The following PCDH9 variants were observed in gnomAD, a reference collection of about 807,000 sequenced individuals.
PCDH9 encodes protocadherin 9.
PCDH9 carries 24 observed loss-of-function variants against 70.6 expected under a neutral mutation model. That is an observed-to-expected ratio of 0.34 (90% CI 0.25 to 0.48). The LOEUF is 0.48. Among genes scored for constraint, PCDH9 ranks in the 20% least tolerant of loss-of-function variants. The pLI, the probability that PCDH9 is intolerant of heterozygous loss-of-function variation, is 0.99. For synonymous variants in PCDH9, 562 were observed against 558.5 expected (o/e 1.01, Z -0.09); for missense variants, 1,281 against 1,503.6 (o/e 0.85, Z 2.45).
chr13:67,077,270 C>T (rs572859859), intron 2 of PCDH9, among the ~76,000 whole-genome samples: 41 of 152,326 alleles, frequency 2.7e-4, no homozygotes, highest in Admixed American at 1.6e-3. Flanking sequence ...TGGCCCCTTA[C>T]TGTCTGCTGA....
At chr13:66,386,377 C>T (rs1956930270) in intron 4 of PCDH9, among the ~76,000 whole-genome samples, 1 of 152,110 alleles carries the variant, frequency 6.6e-6, no homozygotes, top group African/African-American at 2.4e-5. Flanking sequence ...ACACTCCACC[C>T]TATAGAGTCC....
intron 2 of PCDH9, among the ~76,000 whole-genome samples, chr13:67,185,890 A>G (rs941954442): frequency 4.6e-5 from 7 of 151,834 alleles, no homozygotes; most frequent in African/African-American, 1.7e-4. Context: ...GAGCCACCAC[A>G]CCCGGCTAAT....
At chr13:66,721,179 T>A (rs948578332) in intron 3 of PCDH9, among the ~76,000 whole-genome samples, 1 of 152,200 alleles carries the variant, frequency 6.6e-6, no homozygotes, top group South Asian at 2.1e-4. Flanking sequence ...GTGCTGATGA[T>A]ATTTGACTAA....
At chr13:66,762,411 TGTG>T (rs1393215678) in intron 3 of PCDH9, among the ~76,000 whole-genome samples, 1 of 152,068 alleles carries the variant, frequency 6.6e-6, no homozygotes, top group Non-Finnish European at 1.5e-5. Context: ...TAGGTTTTAC[TGTG>T]GTGGGCCCAG....
chr13:66,382,149 A>C (rs1415074204), intron 4 of PCDH9, among the ~76,000 whole-genome samples: 2 of 152,216 alleles, frequency 1.3e-5, no homozygotes, highest in Non-Finnish European at 2.9e-5. Context: ...CTATGCTTAA[A>C]AGTGAACTCT....
intron 2 of PCDH9, among the ~76,000 whole-genome samples, chr13:66,975,199 C>G (rs2083593962): frequency 6.6e-6 from 1 of 151,926 alleles, no homozygotes; most frequent in Admixed American, 6.6e-5. Flanking sequence ...TCATAGAAAG[C>G]AGAAATCTAA....
intron 3 of PCDH9, among the ~76,000 whole-genome samples, chr13:66,888,347 T>A (rs900902879): frequency 6.6e-6 from 1 of 151,366 alleles, no homozygotes; most frequent in Non-Finnish European, 1.5e-5. Context: ...ATTTAAAAAA[T>A]AAAAATTAGC....
At chr13:66,885,234 C>T (rs780068926) in intron 3 of PCDH9, among the ~76,000 whole-genome samples, 1 of 152,168 alleles carries the variant, frequency 6.6e-6, no homozygotes, top group Non-Finnish European at 1.5e-5. Flanking sequence ...TCAACTTCTA[C>T]TCTTCTTCCA....
At chr13:67,005,317 T>C (rs758760237) in intron 2 of PCDH9, among the ~76,000 whole-genome samples, 5 of 152,176 alleles carry the variant, frequency 3.3e-5, no homozygotes, top group Non-Finnish European at 7.3e-5. Flanking sequence ...CTTTTACTAT[T>C]TGAGTTCGCT....
chr13:66,658,161 T>A (rs6562463), intron 3 of PCDH9, among the ~76,000 whole-genome samples: 71,600 of 151,970 alleles, frequency 0.47, 17,202 homozygotes, highest in African/African-American at 0.56. Context: ...CCCCCGATTG[T>A]ACTAGTAAAA....
intron 4 of PCDH9, among the ~76,000 whole-genome samples, chr13:66,425,375 G>A (rs542677592): frequency 1.3e-5 from 2 of 151,614 alleles, no homozygotes; most frequent in South Asian, 2.1e-4. Context: ...CTATCACACC[G>A]ACTAGGTAAC....
chr13:66,631,350 C>A lies in PCDH9; in HGVS notation c.3200G>T (p.Gly1067Val). ...DGSQESCSDSGLGDHEPVGSG... is the reference protein window; with the variant it reads ...DGSQESCSDSVLGDHEPVGSG... Reference sequence around the variant, plus strand: ...ACCCACCGGCTCATGGTCTCCTAGACCACTGTCACTGCAGCTTTCCTGGGA... The same window carrying A: ...ACCCACCGGCTCATGGTCTCCTAGAACACTGTCACTGCAGCTTTCCTGGGA... Residue 1067 changes from glycine to valine, a missense_variant, in exon 4 of 5, where the codon GGT (glycine) becomes GTT (valine). Physicochemically the swap from Gly to Val is moderately radical, Grantham distance 109. Coordinates refer to ENST00000377865, the MANE Select transcript of PCDH9 (RefSeq NM_203487.3). 1 of 1,611,716 alleles carries A rather than the reference C, an allele frequency of 6.2e-7. No homozygotes were observed. The highest frequency in any genetic ancestry group is 8.5e-7 in the Non-Finnish European group (1 of 1,177,832).
intron 4 of PCDH9, among the ~76,000 whole-genome samples, chr13:66,606,312 T>G (rs916530807): frequency 1.3e-5 from 2 of 152,168 alleles, no homozygotes; most frequent in African/African-American, 4.8e-5. Context: ...TAACCGTGCC[T>G]CCTGTGTGTA....
chr13:67,018,110 A>G (rs1372018387), intron 2 of PCDH9, among the ~76,000 whole-genome samples: 1 of 152,188 alleles, frequency 6.6e-6, no homozygotes, highest in Non-Finnish European at 1.5e-5. Flanking sequence ...ATTCTTGGAC[A>G]CTATCTTGTA....
chr13:67,221,228 A>C (rs2089717942), intron 2 of PCDH9: 1 of 152,094 alleles, frequency 6.6e-6, no homozygotes, highest in Non-Finnish European at 1.5e-5. Flanking sequence ...TGCCCCCTTC[A>C]CTTTCAATTG....
At chr13:67,034,653 A>C (rs1326872500) in intron 2 of PCDH9, among the ~76,000 whole-genome samples, 1 of 150,066 alleles carries the variant, frequency 6.7e-6, no homozygotes, top group Non-Finnish European at 1.5e-5. Flanking sequence ...TTTATGCTAG[A>C]AAGTCCTTCC....
intron 2 of PCDH9, among the ~76,000 whole-genome samples, chr13:66,910,488 G>A (rs185955612): frequency 3.9e-5 from 6 of 152,094 alleles, no homozygotes; most frequent in East Asian, 3.9e-4. Context: ...GAACCAGTAC[G>A]TTCCAAAACA....
intron 4 of PCDH9, among the ~76,000 whole-genome samples, chr13:66,348,606 T>A (rs1956247235): frequency 6.6e-6 from 1 of 151,654 alleles, no homozygotes; most frequent in Non-Finnish European, 1.5e-5. Context: ...GTCAGGCTGG[T>A]CTCAAAAAGA....
At chr13:67,088,075 T>C (rs947895899) in intron 2 of PCDH9, among the ~76,000 whole-genome samples, 11 of 150,878 alleles carry the variant, frequency 7.3e-5, no homozygotes, top group African/African-American at 2.7e-4. Flanking sequence ...ATGTGAAAGA[T>C]AGGGAATTTG....
Sources: gnomAD v4.1 joint callset for allele counts (sites outside exome capture counted in the v4.1 genomes callset) on GRCh38, gnomAD v4.1.1 for gene constraint, MANE v1.5 for transcripts, NCBI Gene and HGNC (gene_info 2026-07-23, HGNC 2026-07-21) for gene names.